The following PPM1F variants were observed in gnomAD, a reference collection of about 807,000 sequenced individuals.
The protein encoded by PPM1F is protein phosphatase 1F.
Under a neutral mutation model 35.5 loss-of-function variants are expected in PPM1F, and 17 were observed. That is an observed-to-expected ratio of 0.48 (90% confidence interval 0.33 to 0.72). PPM1F has a LOEUF of 0.72. Ranked by LOEUF, PPM1F falls within the 30% of genes least tolerant of loss-of-function variation. The pLI, the probability that PPM1F is intolerant of heterozygous loss-of-function variation, is 0.02. For missense variants in PPM1F, 521 were observed against 613.0 expected, an observed-to-expected ratio of 0.85 and a Z score of 1.59; for synonymous variants, 241 against 255.5, an observed-to-expected ratio of 0.94 and a Z score of 0.54.
chr22:21,925,141 C>T (rs2070496649), intron 7 of PPM1F: 1 of 249,398 alleles, frequency 4.0e-6, no homozygotes. Flanking sequence ...GTGATCCACC[C>T]ACCTCGGCCT....
Position 21,939,362 on chromosome 22 carries a change from C to G in PPM1F, c.355+170G>C. ...ACCTGTGGAGGGCTGTGACCGCCAC[C>G]CTCCACCTCACTGGGGCCGCAAGCC... On this transcript the variant is annotated intron_variant, in intron 3 of 7. Coordinates refer to ENST00000263212, the MANE Select transcript of PPM1F (RefSeq NM_014634.4). The surrounding 1 kb of genome is among the most constrained non-coding windows in gnomAD (Gnocchi z 5.1). 1 of 862,792 alleles carries G rather than the reference C, an allele frequency of 1.2e-6. No homozygotes were observed. The highest frequency in any genetic ancestry group is 1.8e-6 in the Non-Finnish European group (1 of 565,328). 53.4% of individuals were successfully genotyped at this position (862,792 alleles called of 1,614,324 possible).
intron 6 of PPM1F, 47 bp from the exon 7 acceptor site, chr22:21,925,709 CGT>C: frequency 6.8e-7 from 1 of 1,465,672 alleles, no homozygotes. Context: ...GGGGATGGGG[CGT>C]GAAGCCCCCT....
In PPM1F at chr22:21,923,465, A is replaced by T. The variant is rs778158817; in HGVS notation, c.992T>A (p.Val331Asp). ...CCCAGACACGTAGGGCTTCTGGAAG[A>T]CATCCCCTGGACAGGCGGAGAAGAG... ...TLAVSRAIGDVFQKPYVSGEA... is the reference protein window; with the variant it reads ...TLAVSRAIGDDFQKPYVSGEA... The change falls in exon 8 of 8, where the codon GTC becomes GAC. Residue 331 changes from valine to aspartate, a missense_variant. Coordinates refer to ENST00000263212, the MANE Select transcript of PPM1F (RefSeq NM_014634.4). 2 of 1,603,212 alleles carry T rather than the reference A, an allele frequency of 1.2e-6. No homozygotes were observed. The highest frequency in any genetic ancestry group is 1.3e-5 in the African/African-American group (1 of 74,726).
intron 3 of PPM1F, chr22:21,938,263 G>C (rs1011766655): frequency 1.6e-5 from 21 of 1,285,984 alleles, no homozygotes; most frequent in Non-Finnish European, 2.0e-5. Context: ...GGGAGGGCCT[G>C]GGCGGTGGCG....
At chr22:21,925,696 C>T (rs761298456) in intron 6 of PPM1F, 34 bp from the exon 7 acceptor site, 38 of 1,507,792 alleles carry the variant, frequency 2.5e-5, no homozygotes, top group African/African-American at 1.1e-4. Context: ...GGGGCAGGGC[C>T]GGGGGGATGG....
At chr22:21,923,824 C>T (rs540903454) in intron 7 of PPM1F, among the ~76,000 whole-genome samples, 7 of 151,574 alleles carry the variant, frequency 4.6e-5, no homozygotes, top group Admixed American at 2.6e-4. Context: ...ATTACAGGCT[C>T]GCGCCACCAT....
At chr22:21,951,892 G>A (rs895604857) in intron 1 of PPM1F, 1 of 152,198 alleles carries the variant, frequency 6.6e-6, no homozygotes, top group African/African-American at 2.4e-5. Flanking sequence ...TTTCCACCTC[G>A]CGTGCAGGAG....
chr22:21,945,810 C>T, intron 2 of PPM1F, 33 bp downstream of exon 2: 2 of 1,598,084 alleles, frequency 1.3e-6, no homozygotes, highest in Non-Finnish European at 1.7e-6. Context: ...CGTGCCCTTA[C>T]TCCCCGTCCC....
rs145677857 is a variant in PPM1F, at chr22:21,936,435, T to TA, written c.356-2210dup. 763 of 152,320 alleles carry TA rather than the reference T, an allele frequency of 5.0e-3. 5 individuals carry two copies. Among genetic ancestry groups the TA allele is most frequent in the African/African-American group, 0.018 (728 of 41,550 alleles). 9.4% of individuals were successfully genotyped at this position (152,320 alleles called of 1,614,324 possible). A position where few individuals can be genotyped will look rare whatever the true frequency, so the allele number is the denominator to read the frequency against. On this transcript the variant is annotated intron_variant, in intron 3 of 7. Coordinates refer to ENST00000263212, the MANE Select transcript of PPM1F (RefSeq NM_014634.4). ...TTCCCCAGTTTTTCATTACAAGTGT[T>TA]AGTCTCGTGTGACAGTGGCTTTAAA...
intron 6 of PPM1F, chr22:21,926,172 A>T (rs1283610462): frequency 7.2e-6 from 1 of 138,588 alleles, no homozygotes; most frequent in African/African-American, 2.8e-5. Flanking sequence ...TCGCTCTGTC[A>T]CCTGGCTGGA....
At chr22:21,952,133 C>G (rs895565256) in intron 1 of PPM1F, 1 of 152,414 alleles carries the variant, frequency 6.6e-6, no homozygotes, top group Admixed American at 6.5e-5. Context: ...ATCCCTGCAG[C>G]CGGAGCCAGT....
intron 2 of PPM1F, chr22:21,943,975 T>G (rs62234964): frequency 0.11 from 16,082 of 152,508 alleles, 914 homozygotes; most frequent in Non-Finnish European, 0.12. Flanking sequence ...AAGGCAGCAA[T>G]GGCCCCATGC....
chr22:21,926,134 T>TTC, intron 6 of PPM1F: 1 of 147,478 alleles, frequency 6.8e-6, no homozygotes, highest in Non-Finnish European at 1.5e-5. Context: ...GCCCAGTTCT[T>TTC]TTTTTTTTTT....
intron 2 of PPM1F, among the ~76,000 whole-genome samples, chr22:21,940,948 G>A (rs2070718770): frequency 6.6e-6 from 1 of 152,160 alleles, no homozygotes; most frequent in South Asian, 2.1e-4. Context: ...TCCCAGGCTG[G>A]AGCACAGCTG....
rs913859319 is a variant in PPM1F, at chr22:21,921,170, G to A, written c.*1922C>T. ...GCTCCCCGCTCCCTGTGGGACAGAG[G>A]GCTCCCACCGGGAAGGCGGCTCTAG... is the stretch of plus-strand genomic sequence containing the variant. On this transcript the variant is annotated 3_prime_UTR_variant, in exon 8 of 8. Coordinates refer to ENST00000263212, the MANE Select transcript of PPM1F (RefSeq NM_014634.4). 2 of 150,456 alleles carry A rather than the reference G, an allele frequency of 1.3e-5. No individual in the cohort carries two copies. The highest frequency in any genetic ancestry group is 6.6e-5 in the Admixed American group (1 of 15,144). 9.3% of individuals were successfully genotyped at this position (150,456 alleles called of 1,614,324 possible). A position where few individuals can be genotyped will look rare whatever the true frequency, so the allele number is the denominator to read the frequency against.
rs139448825 is a variant in PPM1F at position 21,925,266 on chromosome 22, C to T, written c.985+303G>A. On this transcript the variant is annotated intron_variant, in intron 7 of 7. Transcript: ENST00000263212. ...GCGGGAGGAGGATAAACCTCATTTCCGGAATATTGGAAGCTCTACTTCCAG... is the reference window on the plus strand; with the variant it reads ...GCGGGAGGAGGATAAACCTCATTTCTGGAATATTGGAAGCTCTACTTCCAG... 226 of 411,266 alleles carry T rather than the reference C, an allele frequency of 5.5e-4. 2 individuals carry two copies. Among genetic ancestry groups the T allele is most frequent in the African/African-American group, 3.5e-3 (173 of 49,164 alleles). 25.5% of individuals were successfully genotyped at this position (411,266 alleles called of 1,614,324 possible).
At chr22:21,950,112 C>G (rs1361314390) in intron 1 of PPM1F, 3 of 152,300 alleles carry the variant, frequency 2.0e-5, no homozygotes, top group Admixed American at 6.5e-5. Flanking sequence ...TGTGATGACA[C>G]CTGGGAAGTC....
intron 7 of PPM1F, among the ~76,000 whole-genome samples, chr22:21,924,388 A>G (rs111399736): frequency 7.3e-4 from 110 of 151,100 alleles, no homozygotes; most frequent in African/African-American, 2.5e-3. Flanking sequence ...CTGCCTCAGC[A>G]TCCCAAGTAG....
chr22:21,930,152 G>A (rs1601780646), intron 6 of PPM1F, among the ~76,000 whole-genome samples: 1 of 152,226 alleles, frequency 6.6e-6, no homozygotes. Context: ...TAACAGAAAA[G>A]CAAACTTAAC....
Sources: allele counts gnomAD v4.1 joint callset (sites outside exome capture counted in the v4.1 genomes callset), GRCh38; gene constraint gnomAD v4.1.1; non-coding constraint Gnocchi (gnomAD v3.1); transcripts MANE v1.5; gene names NCBI Gene and HGNC (gene_info 2026-07-23, HGNC 2026-07-21).